Variants in RAB10 observed in about 807,000 individuals in gnomAD.
RAB10 encodes ras-related protein Rab-10.
Under a neutral mutation model 25.7 loss-of-function variants are expected in RAB10, and 5 were observed. The ratio of observed to expected loss-of-function variants is 0.19; its 90% CI spans 0.10 to 0.41. The LOEUF is 0.41. Ranked by LOEUF, RAB10 falls within the 10% of genes least tolerant of loss-of-function variation. The probability of loss-of-function intolerance (pLI) is 1.00; values close to 1 mark genes in which losing one functional copy is unlikely to be tolerated. For synonymous variants in RAB10, 89 were observed against 86.4 expected, an observed-to-expected ratio of 1.03 and a Z score of -0.16; for missense variants, 103 against 245.8, an observed-to-expected ratio of 0.42 and a Z score of 3.89.
At chr2:26,076,204 A>C (rs1666729829) in intron 1 of RAB10, among the ~76,000 whole-genome samples, 1 of 70,172 alleles carries the variant, frequency 1.4e-5, no homozygotes, top group African/African-American at 4.2e-5. Flanking sequence ...TACCCACTGT[A>C]GGTGGGGAAA....
chr2:26,127,313 T>C, intron 4 of RAB10, 80 bp downstream of exon 4: 1 of 1,041,020 alleles, frequency 9.6e-7, no homozygotes, highest in South Asian at 1.4e-5. Flanking sequence ...ATAGTAATAG[T>C]GATCGAACAC....
chr2:26,099,173 CAT>C (rs1667288314), intron 2 of RAB10, among the ~76,000 whole-genome samples: 2 of 151,700 alleles, frequency 1.3e-5, no homozygotes, highest in South Asian at 4.2e-4. Context: ...TTGTCTGAAT[CAT>C]AGAATTTAGA....
At chr2:26,073,462 C>T (rs954187582) in intron 1 of RAB10, among the ~76,000 whole-genome samples, 10 of 152,176 alleles carry the variant, frequency 6.6e-5, no homozygotes, top group Non-Finnish European at 1.3e-4. Context: ...TGAGCTCAAG[C>T]CACAGCCACT....
chr2:26,034,893 G>C (rs1050352589), intron 1 of RAB10, among the ~76,000 whole-genome samples, 158 bp downstream of exon 1: 1 of 152,134 alleles, frequency 6.6e-6, no homozygotes, highest in African/African-American at 2.4e-5. Context: ...GAGCTTACTG[G>C]GGCGGGGTCT....
At chr2:26,111,332 C>A (rs908406459) in intron 3 of RAB10, among the ~76,000 whole-genome samples, 2 of 152,126 alleles carry the variant, frequency 1.3e-5, no homozygotes, top group East Asian at 3.9e-4. Context: ...TGGCTGGGCG[C>A]GGTGGCTCAC....
Position 26,103,572 on chromosome 2 carries a change from C to T in RAB10, c.188+4850C>T, listed in dbSNP as rs146206528. ...TTTTTGGAAAGCCTAGTCATATTTTCAGTTTGTTTTATAATGACTTTTTTA... is the reference window on the plus strand; with the variant it reads ...TTTTTGGAAAGCCTAGTCATATTTTTAGTTTGTTTTATAATGACTTTTTTA... On this transcript the variant is annotated intron_variant, in intron 2 of 5. Transcript: ENST00000264710. Among the ~76,000 whole-genome samples, 667 of 152,234 alleles carry T rather than the reference C, an allele frequency of 4.4e-3. 7 individuals are homozygous for T. The highest frequency in any genetic ancestry group is 0.015 in the African/African-American group (619 of 41,558).
intron 1 of RAB10, among the ~76,000 whole-genome samples, chr2:26,039,374 A>G (rs1218846349): frequency 6.6e-6 from 1 of 151,438 alleles, no homozygotes; most frequent in Non-Finnish European, 1.5e-5. Context: ...GAGATGGAGT[A>G]TCACTGTGTT....
chr2:26,056,315 C>T lies in RAB10; in HGVS notation c.127+21580C>T, dbSNP rs545196938. Among the ~76,000 whole-genome samples, 65 of 152,276 alleles carry T rather than the reference C, an allele frequency of 4.3e-4. 2 individuals carry two copies. In the South Asian group the frequency reaches 0.013, roughly 30 times the overall value. ...CCGGGTTCAGGCAATTCTCCTGCCT[C>T]AGCTTCCTCAGTAGCTGGAACTACA... On this transcript the variant is annotated intron_variant, in intron 1 of 5. Coordinates refer to ENST00000264710, the MANE Select transcript of RAB10 (RefSeq NM_016131.5).
At chr2:26,124,317 A>G (rs2149288665) in intron 3 of RAB10, among the ~76,000 whole-genome samples, 1 of 145,708 alleles carries the variant, frequency 6.9e-6, no homozygotes, top group East Asian at 2.0e-4. Context: ...TTTTTCTTAT[A>G]GCTACAGGAA....
At chr2:26,051,359 TGC>T (rs1289697769) in intron 1 of RAB10, among the ~76,000 whole-genome samples, 167 of 11,424 alleles carry the variant, frequency 0.015, 2 homozygotes, top group Non-Finnish European at 0.026. Flanking sequence ...CCTCCCTTTT[TGC>T]CCCCCCCCCC....
chr2:26,121,414 G>A (rs1667800865), intron 3 of RAB10, among the ~76,000 whole-genome samples: 1 of 152,002 alleles, frequency 6.6e-6, no homozygotes, highest in Non-Finnish European at 1.5e-5. Context: ...AAACTCCAGG[G>A]GTCAAGTGAT....
intron 1 of RAB10, among the ~76,000 whole-genome samples, chr2:26,059,755 G>A (rs76710377): frequency 0.069 from 10,504 of 152,168 alleles, 416 homozygotes; most frequent in Middle Eastern, 0.099. Flanking sequence ...CAGGAGCTGG[G>A]GGAGGGAAGG....
intron 1 of RAB10, among the ~76,000 whole-genome samples, chr2:26,076,816 C>A (rs189148622): frequency 6.6e-6 from 1 of 151,520 alleles, no homozygotes; most frequent in African/African-American, 2.4e-5. Flanking sequence ...TGGTGGCAGG[C>A]GCCTGTAATC....
At chr2:26,036,297 G>A (rs1211486243) in intron 1 of RAB10, among the ~76,000 whole-genome samples, 1 of 152,220 alleles carries the variant, frequency 6.6e-6, no homozygotes, top group African/African-American at 2.4e-5. Flanking sequence ...ACAATAGTAA[G>A]CACAGGGAGG....
At chr2:26,090,674 T>G (rs1310283412) in intron 1 of RAB10, among the ~76,000 whole-genome samples, 1 of 152,016 alleles carries the variant, frequency 6.6e-6, no homozygotes, top group Non-Finnish European at 1.5e-5. Flanking sequence ...TGGCTCATGT[T>G]TGTAATCCCA....
chr2:26,079,154 T>G (rs1312511599), intron 1 of RAB10, among the ~76,000 whole-genome samples: 1 of 152,112 alleles, frequency 6.6e-6, no homozygotes, highest in Non-Finnish European at 1.5e-5. Flanking sequence ...GCCATTACAC[T>G]CCAGGCTGGG....
At chr2:26,035,320 G>A (rs1393698018) in intron 1 of RAB10, among the ~76,000 whole-genome samples, 1 of 152,180 alleles carries the variant, frequency 6.6e-6, no homozygotes, top group African/African-American at 2.4e-5. Context: ...TTGCCTCAGT[G>A]CTTTTCGAGA....
intron 5 of RAB10, among the ~76,000 whole-genome samples, chr2:26,130,200 T>G (rs1195173630): frequency 1.3e-5 from 2 of 152,234 alleles, no homozygotes; most frequent in African/African-American, 4.8e-5. Context: ...TGAGTTAAGG[T>G]GAAACCCATT....
chr2:26,067,171 C>T (rs972511658), intron 1 of RAB10, among the ~76,000 whole-genome samples: 2 of 152,102 alleles, frequency 1.3e-5, no homozygotes, highest in African/African-American at 4.8e-5. Context: ...CCTGCCGTGG[C>T]CTTCCAAAGT....
Sources: allele counts gnomAD v4.1 joint callset (sites outside exome capture counted in the v4.1 genomes callset), GRCh38; gene constraint gnomAD v4.1.1; transcripts MANE v1.5; gene names NCBI Gene and HGNC (gene_info 2026-07-23, HGNC 2026-07-21).